Variants in QKI observed in about 807,000 individuals in gnomAD.
The protein encoded by QKI is QKI, KH domain containing RNA binding, also known as KH domain-containing RNA-binding protein QKI.
QKI carries 10 observed loss-of-function variants against 39.0 expected under a neutral mutation model. The observed-to-expected ratio is 0.26, with a 90% CI of 0.16 to 0.43. QKI has a LOEUF of 0.43. QKI is among the 20% of genes least tolerant of loss of function. QKI has a pLI of 1.00. For synonymous variants in QKI, 204 were observed against 155.4 expected, an observed-to-expected ratio of 1.31 and a Z score of -2.33; for missense variants, 218 against 428.0, an observed-to-expected ratio of 0.51 and a Z score of 4.33.
chr6:163,506,879 A>G lies in QKI; in HGVS notation c.402+27983A>G, dbSNP rs74682879. ...GTTGTGTTTTAAGATTATATTACCC[A>G]CTTCATTCCTCCCATCCCTCACTCT... On this transcript the variant is annotated intron_variant, in intron 3 of 7. Coordinates refer to ENST00000361752, the MANE Select transcript of QKI (RefSeq NM_006775.3). 2.9e-3 allele frequency among the ~76,000 whole-genome samples: 438 copies of G among 152,188 alleles called. 2 individuals are homozygous for G. The highest frequency in any genetic ancestry group is 9.8e-3 in the African/African-American group (405 of 41,518).
chr6:163,432,611 G>T (rs1160549489), intron 1 of QKI, among the ~76,000 whole-genome samples: 125 of 152,126 alleles, frequency 8.2e-4, no homozygotes, highest in Non-Finnish European at 4.4e-5. Context: ...ATATTGCCCA[G>T]CCTGGTCTTA....
rs78057345 is a variant in QKI, at chr6:163,578,164, C to T, written c.*7454C>T. The T allele has an allele frequency of 2.5e-4, 37 of 146,194 alleles. No individual in the cohort carries two copies. In the East Asian group the frequency reaches 6.6e-3, roughly 26 times the overall value. 9.1% of individuals were successfully genotyped at this position (146,194 alleles called of 1,614,324 possible). On this transcript the variant is annotated 3_prime_UTR_variant, in exon 8 of 8. Coordinates refer to ENST00000361752, the MANE Select transcript of QKI (RefSeq NM_006775.3). ...TGTCTCCTAAAATTGGGATGAAAAT[C>T]TACTGTAGTCTGTTTTAAAGTATGC...
In QKI at chr6:163,512,630, A is replaced by C. The variant is rs373322318; in HGVS notation, c.403-22352A>C. On this transcript the variant is annotated intron_variant, in intron 3 of 7. Transcript: ENST00000361752. ...TAGAGATGGTCTGAACTACACAAGT[A>C]GCATACTTCATTTAATTATCTAATT... is the stretch of plus-strand genomic sequence containing the variant. 9.2e-5 allele frequency among the ~76,000 whole-genome samples: 14 copies of C among 152,276 alleles called. No homozygotes were observed. The South Asian group carries it at 2.7e-3, about 29-fold the overall frequency.
At chr6:163,453,609 A>G (rs1406520508) in intron 1 of QKI, among the ~76,000 whole-genome samples, 1 of 152,178 alleles carries the variant, frequency 6.6e-6, no homozygotes, top group East Asian at 1.9e-4. Flanking sequence ...TTTAAGATAA[A>G]CACCAAGTTG....
At chr6:163,483,839 G>C (rs1326241414) in intron 3 of QKI, among the ~76,000 whole-genome samples, 2 of 152,206 alleles carry the variant, frequency 1.3e-5, no homozygotes, top group Non-Finnish European at 2.9e-5. Context: ...TCCTTTCCAG[G>C]AGGTTTTCAA....
rs559746187 is a variant in QKI, at chr6:163,517,878, T to C, written c.403-17104T>C. ...GTGAGGGATATAAATTTAGGTGTTATTAGATGATACACAGCTATTTCTAGA... is the reference window on the plus strand; with the variant it reads ...GTGAGGGATATAAATTTAGGTGTTACTAGATGATACACAGCTATTTCTAGA... On this transcript the variant is annotated intron_variant, in intron 3 of 7. Transcript: ENST00000361752. Among the ~76,000 whole-genome samples, 5 of 152,322 alleles carry C rather than the reference T, an allele frequency of 3.3e-5. No homozygotes were observed. The East Asian group carries it at 9.7e-4, about 29-fold the overall frequency.
chr6:163,427,612 A>T (rs1268405104), intron 1 of QKI, among the ~76,000 whole-genome samples: 2 of 151,928 alleles, frequency 1.3e-5, no homozygotes, highest in Non-Finnish European at 2.9e-5. Context: ...CTTTTACCTT[A>T]TGCTCAGCAG....
In QKI at chr6:163,416,021, A is replaced by T. The variant is rs764156019; in HGVS notation, c.142+686A>T. On this transcript the variant is annotated intron_variant, in intron 1 of 7. Coordinates refer to ENST00000361752, the MANE Select transcript of QKI (RefSeq NM_006775.3). The stretch of plus-strand genomic sequence containing the variant: ...TTCCCTTTTGTTTGGGGAAGCGAGA[A>T]CTGTTAGGGAGTTGAACTTCACTTT... 1.0e-3 allele frequency: 370 copies of T among 371,828 alleles called. 2 individuals are homozygous for T. Among genetic ancestry groups the T allele is most frequent in the Middle Eastern group, 2.4e-3 (5 of 2,042 alleles). The allele number at this position is 371,828 out of a possible 1,614,324, so 23.0% of individuals were successfully genotyped here.
intron 2 of QKI, among the ~76,000 whole-genome samples, chr6:163,477,912 A>G (rs1285295438): frequency 1.3e-5 from 2 of 152,254 alleles, no homozygotes; most frequent in Non-Finnish European, 2.9e-5. Flanking sequence ...GTAGAAGACC[A>G]TATGCATAAG....
At position 163,571,425 on chromosome 6, in the gene QKI, ATCTT is replaced by A. The variant is rs1454308558; in HGVS notation, c.*717_*720del. On this transcript the variant is annotated 3_prime_UTR_variant, in exon 8 of 8. Coordinates refer to ENST00000361752, the MANE Select transcript of QKI (RefSeq NM_006775.3). ...TAAATATCTGAGTTAAAATTACTGAATCTTTATTTTACACCTAAAAAAATATGAG... is the reference window on the plus strand; with the variant it reads ...TAAATATCTGAGTTAAAATTACTGAATATTTTACACCTAAAAAAATATGAG... 2.0e-5 allele frequency: 3 copies of A among 152,206 alleles called. No homozygotes were observed. Among genetic ancestry groups the A allele is most frequent in the African/African-American group, 7.2e-5 (3 of 41,458 alleles). 9.4% of individuals were successfully genotyped at this position (152,206 alleles called of 1,614,324 possible).
chr6:163,548,392 C>A (rs1351104491), intron 4 of QKI, among the ~76,000 whole-genome samples: 1 of 152,222 alleles, frequency 6.6e-6, no homozygotes, highest in Admixed American at 6.5e-5. Context: ...GTAAAATCTT[C>A]CACAAGTCAC....
chr6:163,560,182 C>CCTATT (rs1242042780), intron 4 of QKI, among the ~76,000 whole-genome samples: 3 of 151,986 alleles, frequency 2.0e-5, no homozygotes, highest in Non-Finnish European at 4.4e-5. Context: ...AGAAATAAGC[C>CCTATT]CTATTCTCAT....
At chr6:163,418,725 T>C (rs1172388220) in intron 1 of QKI, among the ~76,000 whole-genome samples, 1 of 152,160 alleles carries the variant, frequency 6.6e-6, no homozygotes, top group African/African-American at 2.4e-5. Flanking sequence ...ACTGAACCCT[T>C]AGAGCAGTTA....
intron 3 of QKI, among the ~76,000 whole-genome samples, chr6:163,481,863 C>T (rs1247601701): frequency 3.3e-5 from 5 of 151,998 alleles, no homozygotes; most frequent in African/African-American, 1.2e-4. Context: ...AGTAATTTGC[C>T]AAAGGTCACA....
At chr6:163,444,141 G>A (rs1789965178) in intron 1 of QKI, among the ~76,000 whole-genome samples, 2 of 152,162 alleles carry the variant, frequency 1.3e-5, no homozygotes, top group African/African-American at 4.8e-5. Flanking sequence ...AGGATAGTCT[G>A]GCCTGGAGTT....
intron 3 of QKI, among the ~76,000 whole-genome samples, chr6:163,533,044 C>T (rs2128240761): frequency 6.6e-6 from 1 of 151,848 alleles, no homozygotes; most frequent in East Asian, 1.9e-4. Flanking sequence ...TGCCTGGAAA[C>T]AGAAGTCCCT....
intron 2 of QKI, among the ~76,000 whole-genome samples, chr6:163,477,173 G>A (rs1244857874): frequency 1.3e-5 from 2 of 151,900 alleles, no homozygotes; most frequent in Non-Finnish European, 2.9e-5. Context: ...GCACCACCAA[G>A]CCTGGCTAAG....
In QKI at chr6:163,415,222, A is replaced by G. The variant is rs747778217; in HGVS notation, c.29A>G (p.Lys10Arg). MVGEMETKE[K>R]PKPTPDYLMQ... ...GTCGGGGAAATGGAAACGAAGGAGA[A>G]GCCGAAGCCCACCCCAGATTACCTG... is the stretch of plus-strand genomic sequence containing the variant. Residue 10 changes from lysine (K) to arginine (R), a missense_variant, in exon 1 of 8, where the codon AAG (lysine) becomes AGG (arginine). Physicochemically the swap from Lys to Arg is conservative, Grantham distance 26. Around this residue, in one of 3 missense-constraint regions of QKI, gnomAD observed 40 missense variants for 48.7 expected, o/e 0.82. Transcript: ENST00000361752. The G allele has an allele frequency of 6.3e-7, 1 of 1,591,010 alleles. No homozygotes were observed. The highest frequency in any genetic ancestry group is 1.1e-5 in the South Asian group (1 of 89,640).
chr6:163,572,308 T>C lies in QKI; in HGVS notation c.*1598T>C, dbSNP rs1783737263. On this transcript the variant is annotated 3_prime_UTR_variant, in exon 8 of 8. Coordinates refer to ENST00000361752, the MANE Select transcript of QKI (RefSeq NM_006775.3). ...AATTAATTGAATATAATAGGATACC[T>C]AGCAAATGTTTTCACAAAAGTGAAT... 1 of 152,222 alleles carries C rather than the reference T, an allele frequency of 6.6e-6. No homozygotes were observed. Among genetic ancestry groups the C allele is most frequent in the Non-Finnish European group, 1.5e-5 (1 of 68,030 alleles). 9.4% of individuals were successfully genotyped at this position (152,222 alleles called of 1,614,324 possible).
Sources: gnomAD v4.1 joint callset for allele counts (sites outside exome capture counted in the v4.1 genomes callset) on GRCh38, gnomAD v4.1.1 for gene constraint, gnomAD v4.1.1 regional missense constraint, MANE v1.5 for transcripts, NCBI Gene and HGNC (gene_info 2026-07-23, HGNC 2026-07-21) for gene names.